SFI1: variants seen among roughly 807,000 people sequenced by gnomAD.
SFI1 encodes SFI1 centrin binding protein, also known as protein SFI1 homolog.
A neutral mutation model predicts 207.5 loss-of-function variants in SFI1; 195 were observed. That is an observed-to-expected ratio of 0.94 (90% CI 0.84 to 1.06). The LOEUF is 1.06. Among genes scored for constraint, SFI1 ranks in the 50% least tolerant of loss-of-function variants. The pLI, the probability that SFI1 is intolerant of heterozygous loss-of-function variation, is 0.00. For missense variants in SFI1, 1,634 were observed against 1,588.0 expected (o/e 1.03, Z -0.49); for synonymous variants, 630 against 598.9 (o/e 1.05, Z -0.76).
intron 7 of SFI1, among the ~76,000 whole-genome samples, chr22:31,557,603 G>A (rs964358881): frequency 6.6e-6 from 1 of 152,138 alleles, no homozygotes; most frequent in Non-Finnish European, 1.5e-5. Context: ...AGTGCTTACT[G>A]TGTTCTAAAC....
chr22:31,611,517 C>T (rs531403015), intron 23 of SFI1, among the ~76,000 whole-genome samples: 2 of 152,336 alleles, frequency 1.3e-5, no homozygotes, highest in East Asian at 3.9e-4. Context: ...AATCCAGTGT[C>T]TCCCAGGGAA....
At chr22:31,607,467 G>A (rs890628066) in intron 21 of SFI1, among the ~76,000 whole-genome samples, 2 of 151,884 alleles carry the variant, frequency 1.3e-5, no homozygotes, top group African/African-American at 2.4e-5. Flanking sequence ...GCTGGGTGTG[G>A]TGGTGCATGC....
chr22:31,564,319 T>A (rs1310236439), intron 8 of SFI1, among the ~76,000 whole-genome samples: 1 of 126,780 alleles, frequency 7.9e-6, no homozygotes, highest in Non-Finnish European at 1.6e-5. Context: ...AGAGCAAGAC[T>A]CCATCTCAAA....
intron 4 of SFI1, among the ~76,000 whole-genome samples, chr22:31,534,236 A>G (rs1199427704): frequency 6.6e-6 from 1 of 152,010 alleles, no homozygotes; most frequent in Non-Finnish European, 1.5e-5. Context: ...CAGGTGATCT[A>G]CCCACCTCGG....
At chr22:31,599,836 A>C (rs2067817271) in intron 15 of SFI1, among the ~76,000 whole-genome samples, 1 of 151,788 alleles carries the variant, frequency 6.6e-6, no homozygotes, top group Non-Finnish European at 1.5e-5. Flanking sequence ...AAAACAATAA[A>C]ATTCTATTTT....
Position 31,606,441 on chromosome 22 carries a change from A to G in SFI1, c.2157+11A>G. The G allele has an allele frequency of 6.2e-7, 1 of 1,611,182 alleles. No individual in the cohort carries two copies. The highest frequency in any genetic ancestry group is 8.5e-7 in the Non-Finnish European group (1 of 1,178,140). On this transcript the variant is annotated intron_variant, in intron 21 of 32. Coordinates refer to ENST00000400288, the MANE Select transcript of SFI1 (RefSeq NM_001007467.3). ...ACCATATGTTCCAAGGTGAGGTATA[A>G]GGAGGCAAGCTGGTCACCCAGGAGA...
chr22:31,584,000 C>G (rs1489800011), intron 13 of SFI1, 28 bp downstream of exon 13: 1 of 1,556,536 alleles, frequency 6.4e-7, no homozygotes, highest in Admixed American at 1.7e-5. Context: ...ATCCCTGGCT[C>G]TCAGGGACTT....
intron 4 of SFI1, among the ~76,000 whole-genome samples, chr22:31,536,864 G>A (rs2059037312): frequency 6.6e-6 from 1 of 151,898 alleles, no homozygotes; most frequent in Non-Finnish European, 1.5e-5. Flanking sequence ...AACAATGGCT[G>A]AAACAAATTG....
chr22:31,565,702 A>G (rs2062222154), intron 8 of SFI1, among the ~76,000 whole-genome samples: 1 of 148,556 alleles, frequency 6.7e-6, no homozygotes, highest in African/African-American at 2.4e-5. Context: ...CCTGTCTCAA[A>G]AATAAATAAA....
Position 31,606,935 on chromosome 22 carries a change from T to A in SFI1, c.2157+505T>A, listed in dbSNP as rs2069127734. Reference sequence around the variant, plus strand: ...CTGGTCTTGAACTGATGACCTCAGGTGATCCATCTGCCTCAGCCTCCCAAA... The same window carrying A: ...CTGGTCTTGAACTGATGACCTCAGGAGATCCATCTGCCTCAGCCTCCCAAA... On this transcript the variant is annotated intron_variant, in intron 21 of 32. Transcript: ENST00000400288. Among the ~76,000 whole-genome samples, 4 of 152,168 alleles carry A rather than the reference T, an allele frequency of 2.6e-5. No individual in the cohort carries two copies. The South Asian group carries it at 8.3e-4, about 32-fold the overall frequency.
At chr22:31,505,961 G>A (rs1348836674) in intron 1 of SFI1, among the ~76,000 whole-genome samples, 1 of 151,512 alleles carries the variant, frequency 6.6e-6, no homozygotes, top group Non-Finnish European at 1.5e-5. Flanking sequence ...TGAGGTGGGA[G>A]GATCACCTGA....
intron 24 of SFI1, chr22:31,612,893 CCG>C: frequency 1.9e-6 from 1 of 520,920 alleles, no homozygotes; most frequent in Admixed American, 3.1e-5. Flanking sequence ...GGACCTCAGG[CCG>C]CTGCCTCCAC....
Position 31,569,620 on chromosome 22 carries a change from C to T in SFI1, c.766-3438C>T, listed in dbSNP as rs777982501. ...ACTTTAAGTGACCTAACAATTAAAG[C>T]GAACCAAAATGGACCACTCTGGCTG... On this transcript the variant is annotated intron_variant, in intron 8 of 32. Transcript: ENST00000400288. Among the ~76,000 whole-genome samples the T allele has an allele frequency of 3.3e-5, 5 of 152,066 alleles. No homozygotes were observed. The South Asian group carries it at 8.3e-4, about 25-fold the overall frequency.
intron 11 of SFI1, among the ~76,000 whole-genome samples, chr22:31,579,436 C>T (rs1049728763): frequency 1.3e-5 from 2 of 151,964 alleles, no homozygotes; most frequent in African/African-American, 4.8e-5. Flanking sequence ...CTGCCTCAGC[C>T]TCCCGAGTAG....
chr22:31,585,165 C>A (rs757311617), intron 14 of SFI1, 31 bp downstream of exon 14: 3 of 1,575,448 alleles, frequency 1.9e-6, no homozygotes, highest in Non-Finnish European at 2.6e-6. Context: ...GATAGCTCTA[C>A]TGGCTTACAT....
chr22:31,567,288 T>C (rs546647432), intron 8 of SFI1, among the ~76,000 whole-genome samples: 13 of 152,292 alleles, frequency 8.5e-5, no homozygotes, highest in Admixed American at 4.6e-4. Flanking sequence ...ATTTCATCTT[T>C]GAATTTGATA....
intron 2 of SFI1, among the ~76,000 whole-genome samples, chr22:31,528,357 G>A (rs139562422): frequency 0.023 from 3,528 of 151,968 alleles, 124 homozygotes; most frequent in African/African-American, 0.08. Context: ...CTGGGAGGTC[G>A]AGGCTGCAGT....
intron 10 of SFI1, among the ~76,000 whole-genome samples, chr22:31,576,412 C>T (rs911994853): frequency 3.3e-5 from 5 of 152,028 alleles, no homozygotes; most frequent in African/African-American, 1.2e-4. Flanking sequence ...CCTCTGCCTC[C>T]CGGGTTCAAG....
intron 4 of SFI1, among the ~76,000 whole-genome samples, chr22:31,540,348 A>G (rs961454185): frequency 4.8e-4 from 73 of 151,500 alleles, no homozygotes; most frequent in South Asian, 2.3e-3. Flanking sequence ...CAGTGGCGCA[A>G]TTGACTCACT....
Sources: gnomAD v4.1 joint callset for allele counts (sites outside exome capture counted in the v4.1 genomes callset) on GRCh38, gnomAD v4.1.1 for gene constraint, MANE v1.5 for transcripts, NCBI Gene and HGNC (gene_info 2026-07-23, HGNC 2026-07-21) for gene names.